The following DNAAF9 variants were observed in gnomAD, a reference collection of about 807,000 sequenced individuals.
DNAAF9 encodes the protein dynein axonemal assembly factor 9, also known as shulin.
A neutral mutation model predicts 167.0 loss-of-function variants in DNAAF9; 90 were observed. That is an observed-to-expected ratio of 0.54 (90% CI 0.45 to 0.64). DNAAF9 has a LOEUF of 0.64. DNAAF9 is among the 30% of genes least tolerant of loss of function. The probability of loss-of-function intolerance (pLI) is 0.00; values close to 1 mark genes in which losing one functional copy is unlikely to be tolerated. For synonymous variants in DNAAF9, 491 were observed against 508.8 expected (o/e 0.96, Z 0.47); for missense variants, 1,315 against 1,442.2 (o/e 0.91, Z 1.43).
At chr20:3,371,598 C>T (rs2083511552) in intron 6 of DNAAF9, among the ~76,000 whole-genome samples, 1 of 152,082 alleles carries the variant, frequency 6.6e-6, no homozygotes, top group Non-Finnish European at 1.5e-5. Flanking sequence ...CCGCCTCGGC[C>T]TCCCAAAGTG....
intron 16 of DNAAF9, among the ~76,000 whole-genome samples, chr20:3,320,603 A>C (rs948021010): frequency 1.3e-5 from 2 of 152,224 alleles, no homozygotes; most frequent in African/African-American, 4.8e-5. Context: ...CAATGTTTTA[A>C]TGATATCACA....
chr20:3,260,461 T>C (rs2068364099), intron 31 of DNAAF9, among the ~76,000 whole-genome samples: 1 of 152,202 alleles, frequency 6.6e-6, no homozygotes, highest in South Asian at 2.1e-4. Flanking sequence ...CTGGGAAGCA[T>C]GACTGCCCAG....
intron 23 of DNAAF9, 68 bp downstream of exon 23, chr20:3,296,793 C>T: frequency 1.0e-6 from 1 of 959,318 alleles, no homozygotes; most frequent in African/African-American, 1.6e-5. Context: ...TAATGCGAGG[C>T]ATCCTGCAGA....
chr20:3,361,126 G>A (rs2083356576), intron 6 of DNAAF9, among the ~76,000 whole-genome samples: 1 of 152,282 alleles, frequency 6.6e-6, no homozygotes, highest in East Asian at 1.9e-4. Context: ...CCAAAGCAAG[G>A]AAGTCTCATG....
chr20:3,314,452 G>A (rs2069467928), intron 20 of DNAAF9, among the ~76,000 whole-genome samples: 1 of 152,130 alleles, frequency 6.6e-6, no homozygotes, highest in Non-Finnish European at 1.5e-5. Flanking sequence ...TCTGGGAGGA[G>A]GAGCTGAGAG....
intron 7 of DNAAF9, among the ~76,000 whole-genome samples, chr20:3,349,978 C>A (rs1045784342): frequency 6.6e-6 from 1 of 152,140 alleles, no homozygotes; most frequent in Non-Finnish European, 1.5e-5. Flanking sequence ...GCCAGATCTA[C>A]GCCCTCCTCC....
intron 20 of DNAAF9, among the ~76,000 whole-genome samples, chr20:3,313,529 C>T (rs2069449760): frequency 6.6e-6 from 1 of 152,170 alleles, no homozygotes; most frequent in African/African-American, 2.4e-5. Flanking sequence ...TCCTCCCTCA[C>T]ATAAAGGCTA....
At chr20:3,346,849 C>T (rs1173004900) in intron 8 of DNAAF9, among the ~76,000 whole-genome samples, 1 of 152,068 alleles carries the variant, frequency 6.6e-6, no homozygotes, top group African/African-American at 2.4e-5. Context: ...ACTCCCCAAA[C>T]TGAAAAGGAT....
chr20:3,323,950 T>C (rs936543774), intron 14 of DNAAF9, among the ~76,000 whole-genome samples: 1 of 152,202 alleles, frequency 6.6e-6, no homozygotes, highest in Admixed American at 6.5e-5. Flanking sequence ...TGAAGAAGCG[T>C]TCTCAAATTC....
chr20:3,338,689 G>C (rs1042671445), intron 10 of DNAAF9, among the ~76,000 whole-genome samples: 23 of 113,054 alleles, frequency 2.0e-4, no homozygotes, highest in Non-Finnish European at 3.1e-4. Flanking sequence ...TTTTGCTCTT[G>C]TTGCCTAGGC....
chr20:3,256,169 T>C lies in DNAAF9; in HGVS notation c.3098A>G (p.Asn1033Ser). 6.2e-7 allele frequency: 1 copy of C among 1,613,856 alleles called. No homozygotes were observed. The change falls in exon 34 of 37, where the codon AAC (asparagine) becomes AGC (serine). Residue 1033 changes from asparagine (N) to serine (S), a missense_variant. Around this residue, in one of 2 missense-constraint regions of DNAAF9, gnomAD observed 334 missense variants for 429.7 expected, o/e 0.78. Transcript: ENST00000252032. ...TMEVCYNTLA[N>S]SLSIMPVLEG... ...CAAAACTGGCATGATGCTCAAGGAG[T>C]TGGCCAGTGTGTTGTAGCAGACCTC... is the stretch of plus-strand genomic sequence containing the variant.
chr20:3,374,273 G>A, intron 5 of DNAAF9, 119 bp from the exon 6 acceptor site: 2 of 518,718 alleles, frequency 3.9e-6, no homozygotes, highest in South Asian at 4.1e-5. Flanking sequence ...GCCTCACCTA[G>A]CAAAATAAAA....
intron 6 of DNAAF9, chr20:3,361,959 T>A: frequency 6.5e-7 from 1 of 1,538,102 alleles, no homozygotes; most frequent in Admixed American, 1.7e-5. Flanking sequence ...CCGAAACTCT[T>A]GCAGGACAAC....
chr20:3,269,895 T>C (rs1445490579), intron 30 of DNAAF9, among the ~76,000 whole-genome samples: 1 of 151,672 alleles, frequency 6.6e-6, no homozygotes, highest in African/African-American at 2.4e-5. Flanking sequence ...GAGGCGGAGC[T>C]TGCAGTGAGC....
chr20:3,394,858 T>C (rs2083876480), intron 1 of DNAAF9, among the ~76,000 whole-genome samples: 1 of 151,654 alleles, frequency 6.6e-6, no homozygotes, highest in Non-Finnish European at 1.5e-5. Flanking sequence ...TTGAACTTGC[T>C]AGTATACAGA....
In DNAAF9 at chr20:3,304,504, T is replaced by C. The variant is rs765570195; in HGVS notation, c.1718A>G (p.His573Arg). 2 of 1,522,572 alleles carry C rather than the reference T, an allele frequency of 1.3e-6. No individual in the cohort carries two copies. Among genetic ancestry groups the C allele is most frequent in the Non-Finnish European group, 1.8e-6 (2 of 1,096,902 alleles). 94.3% of individuals were successfully genotyped at this position (1,522,572 alleles called of 1,614,324 possible). A position where few individuals can be genotyped will look rare whatever the true frequency, so the allele number is the denominator to read the frequency against. ...AATGATGATACTTCTATGACGACAG[T>C]GAGAAAACAGAAGGCCACTAGAGAA... The part of the protein sequence containing the change: ...HFFSSGLLFS[H>R]CRHRSIIISK... The change falls in exon 21 of 37, where the codon CAC becomes CGC. Residue 573 changes from histidine (H) to arginine (R), a missense_variant. Physicochemically the swap from His to Arg is conservative, Grantham distance 29. Coordinates refer to ENST00000252032, the MANE Select transcript of DNAAF9 (RefSeq NM_001009984.3).
chr20:3,400,241 A>C (rs910019840), intron 1 of DNAAF9, among the ~76,000 whole-genome samples: 2 of 152,198 alleles, frequency 1.3e-5, no homozygotes, highest in African/African-American at 2.4e-5. Context: ...AACATGCTAA[A>C]TCTAAATGCA....
At chr20:3,277,096 C>T (rs1248686746) in intron 29 of DNAAF9, among the ~76,000 whole-genome samples, 1 of 152,308 alleles carries the variant, frequency 6.6e-6, no homozygotes, top group Non-Finnish European at 1.5e-5. Flanking sequence ...TTCCTTTTTA[C>T]AGCCCCAAGC....
intron 26 of DNAAF9, among the ~76,000 whole-genome samples, chr20:3,289,914 G>T (rs370322400): frequency 6.6e-6 from 1 of 152,194 alleles, no homozygotes; most frequent in Admixed American, 6.5e-5. Flanking sequence ...TAAGTGCAGA[G>T]ATTTTCGTGT....
Sources: allele counts gnomAD v4.1 joint callset (sites outside exome capture counted in the v4.1 genomes callset), GRCh38; gene constraint gnomAD v4.1.1; regional missense constraint gnomAD v4.1.1; transcripts MANE v1.5; gene names NCBI Gene and HGNC (gene_info 2026-07-23, HGNC 2026-07-21).